Variants in SLC2A2 observed in about 807,000 individuals in gnomAD.
The protein encoded by SLC2A2 is solute carrier family 2 member 2, also known as solute carrier family 2, facilitated glucose transporter member 2.
A neutral mutation model predicts 54.5 loss-of-function variants in SLC2A2; 36 were observed. The ratio of observed to expected loss-of-function variants is 0.66; its 90% CI spans 0.51 to 0.87. The LOEUF (loss-of-function observed/expected upper bound fraction) is 0.87. Ranked by LOEUF, SLC2A2 falls within the 40% of genes least tolerant of loss-of-function variation. The pLI is 0.00. For missense variants in SLC2A2, 543 were observed against 624.3 expected, an observed-to-expected ratio of 0.87 and a Z score of 1.39; for synonymous variants, 223 against 219.1, an observed-to-expected ratio of 1.02 and a Z score of -0.16.
chr3:171,011,667 G>A (rs914432788), intron 3 of SLC2A2, among the ~76,000 whole-genome samples: 2 of 152,150 alleles, frequency 1.3e-5, no homozygotes, highest in Non-Finnish European at 2.9e-5. Context: ...GAGCTGGCTA[G>A]CCCCAGAGCT....
At chr3:171,003,091 T>G (rs1253068241) in intron 7 of SLC2A2, among the ~76,000 whole-genome samples, 1 of 151,980 alleles carries the variant, frequency 6.6e-6, no homozygotes, top group African/African-American at 2.4e-5. Context: ...AAATCTCCCT[T>G]TATCACTTAT....
intron 1 of SLC2A2, among the ~76,000 whole-genome samples, chr3:171,024,576 C>T (rs1716602374): frequency 6.6e-6 from 1 of 152,202 alleles, no homozygotes; most frequent in South Asian, 2.1e-4. Context: ...CAAAGGTGAT[C>T]TTGCATGCAA....
At chr3:171,005,178 G>T in intron 7 of SLC2A2, 107 bp downstream of exon 7, 1 of 927,128 alleles carries the variant, frequency 1.1e-6, no homozygotes, top group Non-Finnish European at 1.8e-6. Context: ...CAAGACCCAT[G>T]ATGCCAATAC....
At chr3:171,016,708 A>C (rs1197528396) in intron 2 of SLC2A2, among the ~76,000 whole-genome samples, 1 of 152,164 alleles carries the variant, frequency 6.6e-6, no homozygotes, top group Non-Finnish European at 1.5e-5. Flanking sequence ...TACAAAAGGA[A>C]GGGCCTATAT....
chr3:171,010,183 T>A, intron 3 of SLC2A2, 101 bp from the exon 4 acceptor site: 2 of 1,234,446 alleles, frequency 1.6e-6, no homozygotes, highest in Non-Finnish European at 2.3e-6. Context: ...TAAGAGCAAT[T>A]ATTTTAATTT....
At chr3:171,005,143 C>G in intron 7 of SLC2A2, 142 bp downstream of exon 7, 1 of 730,088 alleles carries the variant, frequency 1.4e-6, no homozygotes. Context: ...GAAATTAATG[C>G]TTACTCAATG....
intron 1 of SLC2A2, among the ~76,000 whole-genome samples, chr3:171,026,283 C>G (rs9828378): frequency 0.14 from 21,231 of 151,260 alleles, 1,609 homozygotes; most frequent in East Asian, 0.19. Flanking sequence ...GAGAACAACC[C>G]TTCTACCTCT....
intron 3 of SLC2A2, among the ~76,000 whole-genome samples, chr3:171,011,456 G>A (rs1252882852): frequency 6.6e-6 from 1 of 152,136 alleles, no homozygotes; most frequent in Non-Finnish European, 1.5e-5. Flanking sequence ...CTGGAAAAGG[G>A]CAAGGAATGC....
chr3:171,016,884 G>A (rs1386287424), intron 2 of SLC2A2, among the ~76,000 whole-genome samples: 5 of 122,776 alleles, frequency 4.1e-5, no homozygotes, highest in Non-Finnish European at 8.6e-5. Context: ...ATGGAGTTTT[G>A]CTCTTGTTGC....
intron 1 of SLC2A2, 33 bp from the exon 2 acceptor site, chr3:171,018,656 C>T (rs763973084): frequency 1.3e-4 from 196 of 1,459,302 alleles, no homozygotes; most frequent in Middle Eastern, 1.8e-4. Context: ...CAGGGAAACA[C>T]CAGGCAATTT....
At chr3:171,022,961 A>G (rs995758836) in intron 1 of SLC2A2, among the ~76,000 whole-genome samples, 8 of 152,216 alleles carry the variant, frequency 5.3e-5, no homozygotes, top group Non-Finnish European at 8.8e-5. Flanking sequence ...TTTCTTTCCA[A>G]TCAAATTGTT....
At chr3:171,015,634 A>G (rs1223498194) in intron 2 of SLC2A2, among the ~76,000 whole-genome samples, 4 of 152,222 alleles carry the variant, frequency 2.6e-5, no homozygotes, top group African/African-American at 4.8e-5. Flanking sequence ...AAATCAAGTT[A>G]GCATACAGAA....
At chr3:171,022,751 CAGT>C (rs1716518763) in intron 1 of SLC2A2, among the ~76,000 whole-genome samples, 1 of 152,168 alleles carries the variant, frequency 6.6e-6, no homozygotes, top group Non-Finnish European at 1.5e-5. Context: ...AGAGTCCAAT[CAGT>C]AGCCATGCTA....
chr3:171,014,678 T>C lies in SLC2A2; in HGVS notation c.162A>G (p.Lys54=), dbSNP rs546539032. The part of the protein sequence containing the change: ...HVLGVPLDDR[K]AINNYVINST... ...TGTTGATAACATAGTTGTTGATAGC[T>C]TTTCGGTCATCCAGTGGAACACCCA... The change falls in exon 3 of 11, where the codon AAA becomes AAG. Residue 54 remains lysine, a synonymous_variant. Coordinates refer to ENST00000314251, the MANE Select transcript of SLC2A2 (RefSeq NM_000340.2). 2.2e-5 allele frequency: 36 copies of C among 1,614,044 alleles called. No homozygotes were observed. In the East Asian group the frequency reaches 7.6e-4, roughly 34 times the overall value.
intron 9 of SLC2A2, among the ~76,000 whole-genome samples, 190 bp downstream of exon 9, chr3:170,998,875 C>T (rs1364910285): frequency 6.6e-6 from 1 of 152,160 alleles, no homozygotes; most frequent in Admixed American, 6.5e-5. Context: ...TGCTGATATT[C>T]AGTCTTAAAC....
chr3:171,015,876 A>G (rs1576839527), intron 2 of SLC2A2, among the ~76,000 whole-genome samples: 1 of 152,222 alleles, frequency 6.6e-6, no homozygotes, highest in African/African-American at 2.4e-5. Flanking sequence ...ACTAAATTTC[A>G]TGGAGCCATA....
At chr3:171,023,594 A>C (rs1716558881) in intron 1 of SLC2A2, among the ~76,000 whole-genome samples, 1 of 152,216 alleles carries the variant, frequency 6.6e-6, no homozygotes, top group Non-Finnish European at 1.5e-5. Flanking sequence ...AGAAGTTGAC[A>C]CAAGAAGAAG....
At chr3:170,998,437 T>A (rs1715198060) in intron 9 of SLC2A2, 41 bp from the exon 10 acceptor site, 1 of 1,552,862 alleles carries the variant, frequency 6.4e-7, no homozygotes, top group Non-Finnish European at 8.9e-7. Flanking sequence ...CTGAGATCAT[T>A]TGGCTGCTTT....
At chr3:171,022,778 G>A (rs1202543081) in intron 1 of SLC2A2, among the ~76,000 whole-genome samples, 1 of 152,160 alleles carries the variant, frequency 6.6e-6, no homozygotes, top group Non-Finnish European at 1.5e-5. Flanking sequence ...GTGAGCAGGG[G>A]CGACACAGAA....
Sources: allele counts gnomAD v4.1 joint callset (sites outside exome capture counted in the v4.1 genomes callset), GRCh38; gene constraint gnomAD v4.1.1; transcripts MANE v1.5; gene names NCBI Gene and HGNC (gene_info 2026-07-23, HGNC 2026-07-21).